ZNF329: variants seen among roughly 807,000 people sequenced by gnomAD.
ZNF329 encodes zinc finger protein 329.
Under a neutral mutation model 26.6 loss-of-function variants are expected in ZNF329, and 15 were observed. The observed-to-expected ratio is 0.56, with a 90% CI of 0.38 to 0.87. The LOEUF is 0.87. Among genes scored for constraint, ZNF329 ranks in the 40% least tolerant of loss-of-function variants. ZNF329 has a pLI of 0.00. For missense variants in ZNF329, 651 were observed against 651.9 expected (o/e 1.00, Z 0.02); for synonymous variants, 239 against 233.5 (o/e 1.02, Z -0.21).
At chr19:58,130,135 C>T (rs2074904219) in intron 3 of ZNF329, among the ~76,000 whole-genome samples, 2 of 152,126 alleles carry the variant, frequency 1.3e-5, no homozygotes, top group Admixed American at 1.3e-4. Flanking sequence ...GCCTGACCAA[C>T]ATGGTGAAAC....
chr19:58,135,447 A>C (rs1359477569), intron 3 of ZNF329, among the ~76,000 whole-genome samples: 2 of 151,946 alleles, frequency 1.3e-5, no homozygotes, highest in African/African-American at 4.8e-5. Context: ...TTGTATTTTT[A>C]GTAGAGACAG....
chr19:58,147,592 G>A (rs1173415586), intron 1 of ZNF329, among the ~76,000 whole-genome samples: 1 of 143,598 alleles, frequency 7.0e-6, no homozygotes, highest in Non-Finnish European at 1.5e-5. Context: ...CCGGGAGGGA[G>A]GTGGGGGGGT....
At chr19:58,137,809 CAAAAAAAAAA>C (rs72295173) in intron 3 of ZNF329, among the ~76,000 whole-genome samples, 1 of 76,262 alleles carries the variant, frequency 1.3e-5, no homozygotes, top group Non-Finnish European at 2.4e-5. Flanking sequence ...ACAAAAAATA[CAAAAAAAAAA>C]AAAAAAAAAA....
chr19:58,154,039 T>C (rs1371616916), upstream of ZNF329, among the ~76,000 whole-genome samples: 1 of 151,232 alleles, frequency 6.6e-6, no homozygotes, highest in Non-Finnish European at 1.5e-5. Flanking sequence ...TCTTGCTCTA[T>C]CGCCCAGGCT....
chr19:58,149,132 G>C (rs1600101693), intron 1 of ZNF329, among the ~76,000 whole-genome samples: 1 of 152,174 alleles, frequency 6.6e-6, no homozygotes, highest in Non-Finnish European at 1.5e-5. Flanking sequence ...CTCTGGTCCT[G>C]CTCCCACTAG....
intron 3 of ZNF329, chr19:58,132,194 C>T (rs2074962229): frequency 6.6e-6 from 1 of 152,152 alleles, no homozygotes; most frequent in African/African-American, 2.4e-5. Context: ...TTTGGTAGGT[C>T]ACAAGGGAAG....
At chr19:58,144,049 C>G (rs959580811) in intron 1 of ZNF329, among the ~76,000 whole-genome samples, 1 of 151,728 alleles carries the variant, frequency 6.6e-6, no homozygotes, top group Admixed American at 6.6e-5. Flanking sequence ...CCATTTCACT[C>G]CAGCCCGGGC....
chr19:58,135,979 T>TCCCCCCC (rs1695117640), intron 3 of ZNF329, among the ~76,000 whole-genome samples: 1 of 152,088 alleles, frequency 6.6e-6, no homozygotes, highest in African/African-American at 2.4e-5. Flanking sequence ...TGCCTTGTAA[T>TCCCCCCC]CCCAGCACTT....
At position 58,129,319 on chromosome 19, in the gene ZNF329, G is replaced by T; in HGVS notation, c.185C>A (p.Ala62Glu). 1 of 1,614,220 alleles carries T rather than the reference G, an allele frequency of 6.2e-7. No individual in the cohort carries two copies. Among genetic ancestry groups the T allele is most frequent in the Non-Finnish European group, 8.5e-7 (1 of 1,180,046 alleles). Residue 62 changes from alanine to glutamate, a missense_variant, in exon 4 of 4, where the codon GCA (alanine) becomes GAA (glutamate). Ala to Glu is a moderately radical substitution (Grantham distance 107, BLOSUM62 -1). Transcript: ENST00000598312. ...CCCAAAACCAGGATATTCACAAATTGCTTCCTGAGTCCCTGGTTTCTCCAG... is the reference window on the plus strand; with the variant it reads ...CCCAAAACCAGGATATTCACAAATTTCTTCCTGAGTCCCTGGTTTCTCCAG... ...LTLEKPGTQE[A>E]ICEYPGFGEH...
At chr19:58,147,583 C>T (rs166830) in intron 1 of ZNF329, among the ~76,000 whole-genome samples, 19,848 of 138,516 alleles carry the variant, frequency 0.14, 1,799 homozygotes, top group East Asian at 0.25. Context: ...CCGCCCCGTC[C>T]GGGAGGGAGG....
chr19:58,154,156 G>A (rs1302684946), upstream of ZNF329, among the ~76,000 whole-genome samples: 5 of 152,022 alleles, frequency 3.3e-5, no homozygotes, highest in African/African-American at 4.8e-5. Flanking sequence ...TTACAGGCAC[G>A]TGCCACCACG....
Position 58,128,998 on chromosome 19 carries a change from T to G in ZNF329, c.506A>C (p.Lys169Thr), listed in dbSNP as rs1346164541. 1 of 1,612,888 alleles carries G rather than the reference T, an allele frequency of 6.2e-7. No homozygotes were observed. The highest frequency in any genetic ancestry group is 2.2e-5 in the East Asian group (1 of 44,862). ...ACCTTCATACGATTTCTTGCCTCTT[T>G]TCATTATTTTCTGATGACCAAGAGA... Reference protein sequence around the residue: ...FTSLGHQKIMKRGKKSYEGKN... With the variant: ...FTSLGHQKIMTRGKKSYEGKN... Residue 169 changes from lysine to threonine, a missense_variant, in exon 4 of 4, where the codon AAA becomes ACA. By Grantham distance (78) the Lys-to-Thr change is moderately conservative (BLOSUM62 -1). Coordinates refer to ENST00000598312, the MANE Select transcript of ZNF329 (RefSeq NM_024620.4).
At position 58,128,641 on chromosome 19, in the gene ZNF329, T is replaced by G. The variant is rs2074859066; in HGVS notation, c.863A>C (p.Glu288Ala). 6.2e-7 allele frequency: 1 copy of G among 1,605,002 alleles called. No homozygotes were observed. The highest frequency in any genetic ancestry group is 1.3e-5 in the African/African-American group (1 of 74,630). ...QRIHTGEKPY[E>A]CLECGKTFNR... ...GAAGGTTTTTCCACACTCTAGGCAT[T>G]CATAAGGTTTCTCGCCTGTGTGAAT... The change falls in exon 4 of 4, where the codon GAA becomes GCA. Residue 288 changes from glutamate to alanine, a missense_variant. By Grantham distance (107) the Glu-to-Ala change is moderately radical. Coordinates refer to ENST00000598312, the MANE Select transcript of ZNF329 (RefSeq NM_024620.4).
At position 58,129,154 on chromosome 19, in the gene ZNF329, TTA is replaced by T; in HGVS notation, c.348_349del (p.Asp116GlufsTer5). The T allele has an allele frequency of 6.2e-7, 1 of 1,614,188 alleles. No individual in the cohort carries two copies. Among genetic ancestry groups the T allele is most frequent in the South Asian group, 1.1e-5 (1 of 91,088 alleles). On this transcript the variant is annotated frameshift_variant, in exon 4 of 4. Transcript: ENST00000598312. LOFTEE classifies it high-confidence loss of function. ...ACAGGCATCACTGTCACCAGTTCTC[TTA>T]TCTGCATAACTTTTAGGATAGCTGG... is the stretch of plus-strand genomic sequence containing the variant.
chr19:58,128,944 C>T lies in ZNF329; in HGVS notation c.560G>A (p.Ser187Asn). 1 of 1,613,950 alleles carries T rather than the reference C, an allele frequency of 6.2e-7. No individual in the cohort carries two copies. The highest frequency in any genetic ancestry group is 8.5e-7 in the Non-Finnish European group (1 of 1,179,982). ...TCTCTGGTTTTCATTAAGCGATGAG[C>T]TCAGAGTAAAGATGTTCTCAAAATT... ...GKNFENIFTL[S>N]SSLNENQRNL... Residue 187 changes from serine to asparagine, a missense_variant, in exon 4 of 4, where the codon AGC becomes AAC. By Grantham distance (46) the Ser-to-Asn change is conservative (BLOSUM62 1). Coordinates refer to ENST00000598312, the MANE Select transcript of ZNF329 (RefSeq NM_024620.4).
At chr19:58,152,424 C>CAA (rs35940938), upstream of ZNF329, among the ~76,000 whole-genome samples, 506 of 118,174 alleles carry the variant, frequency 4.3e-3, 2 homozygotes, top group Non-Finnish European at 5.3e-3. Flanking sequence ...TACTCGGTCT[C>CAA]AAAAAAAAAA....
In ZNF329 at chr19:58,128,982, C is replaced by A; in HGVS notation, c.522G>T (p.Ser174=). Residue 174 remains serine, a synonymous_variant, in exon 4 of 4, where the codon TCG becomes TCT. Transcript: ENST00000598312. ...TGTTCTCAAAATTCTTACCTTCATA[C>A]GATTTCTTGCCTCTTTTCATTATTT... ...HQKIMKRGKK[S]YEGKNFENIF... 1 of 1,612,872 alleles carries A rather than the reference C, an allele frequency of 6.2e-7. No individual in the cohort carries two copies. The highest frequency in any genetic ancestry group is 8.5e-7 in the Non-Finnish European group (1 of 1,179,408).
At chr19:58,137,739 G>A (rs1387534874) in intron 3 of ZNF329, among the ~76,000 whole-genome samples, 1 of 150,622 alleles carries the variant, frequency 6.6e-6, no homozygotes, top group Non-Finnish European at 1.5e-5. Context: ...TAAGGCAGGT[G>A]GACTGCTTGA....
Position 58,129,913 on chromosome 19 carries a change from A to G in ZNF329, c.-8-402T>C, listed in dbSNP as rs370022934. On this transcript the variant is annotated intron_variant, in intron 3 of 3. Transcript: ENST00000598312. ...GCTCTGACTTCACAATGAGCTTACAACAGCACTGAAGGAACAGTTCTCACC... is the reference window on the plus strand; with the variant it reads ...GCTCTGACTTCACAATGAGCTTACAGCAGCACTGAAGGAACAGTTCTCACC... 8.5e-5 allele frequency among the ~76,000 whole-genome samples: 13 copies of G among 152,340 alleles called. No individual in the cohort carries two copies. The South Asian group carries it at 2.7e-3, about 32-fold the overall frequency.
Sources: allele counts gnomAD v4.1 joint callset (sites outside exome capture counted in the v4.1 genomes callset), GRCh38; gene constraint gnomAD v4.1.1; transcripts MANE v1.5; gene names NCBI Gene and HGNC (gene_info 2026-07-23, HGNC 2026-07-21).